EPHX2: variants seen among roughly 807,000 people sequenced by gnomAD.
EPHX2 encodes the protein bifunctional epoxide hydrolase 2.
Under a neutral mutation model 78.7 loss-of-function variants are expected in EPHX2, and 74 were observed. The observed-to-expected ratio is 0.94, with a 90% CI of 0.78 to 1.14. The LOEUF is 1.14. Ranked by LOEUF, EPHX2 falls within the 50% of genes most tolerant of loss-of-function variation. EPHX2 has a pLI of 0.00. For synonymous variants in EPHX2, 251 were observed against 255.2 expected (o/e 0.98, Z 0.16); for missense variants, 715 against 702.5 (o/e 1.02, Z -0.20).
At chr8:27,511,809 C>G (rs1814258471) in intron 5 of EPHX2, 27 bp from the exon 6 acceptor site, 4 of 1,612,068 alleles carry the variant, frequency 2.5e-6, no homozygotes, top group South Asian at 1.1e-5. Flanking sequence ...GCTGCTGTCT[C>G]TCTCACTATA....
intron 10 of EPHX2, 131 bp from the exon 11 acceptor site, chr8:27,522,292 G>A: frequency 1.4e-6 from 1 of 720,226 alleles, no homozygotes; most frequent in Non-Finnish European, 2.3e-6. Flanking sequence ...CTTGAAGGGT[G>A]GGCATTTGGA....
intron 1 of EPHX2, among the ~76,000 whole-genome samples, chr8:27,494,429 G>C (rs1246416931): frequency 1.3e-5 from 2 of 152,224 alleles, no homozygotes; most frequent in African/African-American, 2.4e-5. Context: ...CACTTTGTAA[G>C]CTTTGGGGAA....
Position 27,501,005 on chromosome 8 carries a change from T to C in EPHX2, c.181T>C (p.Ser61Pro), listed in dbSNP as rs1208859218. The C allele has an allele frequency of 1.2e-6, 2 of 1,613,286 alleles. No individual in the cohort carries two copies. Among genetic ancestry groups the C allele is most frequent in the East Asian group, 4.5e-5 (2 of 44,852 alleles). ...TRLMKGEITL[S>P]QWIPLMEENC... Reference sequence around the variant, plus strand: ...GCTTATGAAAGGAGAGATCACACTTTCCCAGGTGAGGGGACATCACCACAC... The same window carrying C: ...GCTTATGAAAGGAGAGATCACACTTCCCCAGGTGAGGGGACATCACCACAC... The change falls in exon 2 of 19, where the codon TCC (serine) becomes CCC (proline). Residue 61 changes from serine to proline, a missense_variant. Coordinates refer to ENST00000521400, the MANE Select transcript of EPHX2 (RefSeq NM_001979.6).
intron 12 of EPHX2, among the ~76,000 whole-genome samples, chr8:27,529,330 G>T (rs1010604172): frequency 6.6e-6 from 1 of 152,236 alleles, no homozygotes; most frequent in African/African-American, 2.4e-5. Flanking sequence ...AGCTCTGGCA[G>T]CGAAGGCCAG....
intron 18 of EPHX2, 67 bp downstream of exon 18, chr8:27,544,311 T>A (rs1815513755): frequency 1.0e-5 from 16 of 1,603,842 alleles, no homozygotes; most frequent in Non-Finnish European, 1.4e-5. Context: ...CATAAAAGCT[T>A]TCCTGGTTTC....
chr8:27,522,683 G>A (rs1814690678), intron 11 of EPHX2, among the ~76,000 whole-genome samples, 175 bp downstream of exon 11: 1 of 152,178 alleles, frequency 6.6e-6, no homozygotes, highest in Non-Finnish European at 1.5e-5. Flanking sequence ...GCCTAGCCGG[G>A]CGTGGTGGCT....
chr8:27,516,142 G>A (rs934742608), intron 7 of EPHX2, among the ~76,000 whole-genome samples, 178 bp from the exon 8 acceptor site: 9 of 152,156 alleles, frequency 5.9e-5, no homozygotes, highest in South Asian at 2.1e-4. Flanking sequence ...CCCCACCACC[G>A]TCCACAGCAG....
Position 27,541,537 on chromosome 8 carries a change from C to A in EPHX2, c.1444C>A (p.Arg482=), listed in dbSNP as rs200491949. The change falls in exon 16 of 19, where the codon CGG becomes AGG. Residue 482 remains arginine, a synonymous_variant. Transcript: ENST00000521400. ...GAAGTGGGCTTGCAAAAGCTTGGGACGGAAGGTGAGTGCCAGGTTCAGTGT... is the reference window on the plus strand; with the variant it reads ...GAAGTGGGCTTGCAAAAGCTTGGGAAGGAAGGTGAGTGCCAGGTTCAGTGT... ...NWKWACKSLG[R]KILIPALMVT... 3 of 1,613,938 alleles carry A rather than the reference C, an allele frequency of 1.9e-6. No homozygotes were observed. Among genetic ancestry groups the A allele is most frequent in the Non-Finnish European group, 2.5e-6 (3 of 1,179,892 alleles).
intron 8 of EPHX2, among the ~76,000 whole-genome samples, 192 bp downstream of exon 8, chr8:27,516,590 C>T (rs1814464134): frequency 6.6e-6 from 1 of 152,178 alleles, no homozygotes; most frequent in Admixed American, 6.5e-5. Flanking sequence ...CTGCCCCCCA[C>T]ACTCTGAATG....
At chr8:27,499,870 T>C (rs983730852) in intron 1 of EPHX2, among the ~76,000 whole-genome samples, 1 of 152,158 alleles carries the variant, frequency 6.6e-6, no homozygotes, top group African/African-American at 2.4e-5. Context: ...TGGTTGACTC[T>C]CTGTGTGTGT....
At chr8:27,539,822 C>G (rs1815337607) in intron 14 of EPHX2, among the ~76,000 whole-genome samples, 1 of 152,214 alleles carries the variant, frequency 6.6e-6, no homozygotes. Flanking sequence ...ACATCCTCAT[C>G]ACATACCCCT....
At chr8:27,499,824 T>C (rs562917628) in intron 1 of EPHX2, among the ~76,000 whole-genome samples, 2 of 150,288 alleles carry the variant, frequency 1.3e-5, no homozygotes, top group South Asian at 4.2e-4. Flanking sequence ...GCCTCTCTCC[T>C]TGGCTTGTTA....
At chr8:27,533,286 G>C (rs772999586) in intron 12 of EPHX2, among the ~76,000 whole-genome samples, 7 of 152,202 alleles carry the variant, frequency 4.6e-5, no homozygotes, top group Non-Finnish European at 7.3e-5. Context: ...GCTGGTAACT[G>C]TCAGTACTTG....
chr8:27,540,747 C>T (rs963150824), intron 15 of EPHX2, 91 bp downstream of exon 15: 45 of 1,229,484 alleles, frequency 3.7e-5, no homozygotes, highest in South Asian at 3.5e-4. Context: ...GCCCAGTTCT[C>T]CTCCACCACA....
chr8:27,503,050 G>C (rs973715911), intron 2 of EPHX2, among the ~76,000 whole-genome samples: 5 of 152,110 alleles, frequency 3.3e-5, no homozygotes, highest in Non-Finnish European at 5.9e-5. Flanking sequence ...GGAAGTAATT[G>C]GGTCATGAGG....
chr8:27,504,879 G>T, intron 3 of EPHX2, 77 bp from the exon 4 acceptor site: 1 of 1,477,950 alleles, frequency 6.8e-7, no homozygotes, highest in South Asian at 1.2e-5. Flanking sequence ...CCCATCATTG[G>T]AGTCCCTTGG....
chr8:27,531,561 C>T (rs866480442), intron 12 of EPHX2, among the ~76,000 whole-genome samples: 9 of 152,330 alleles, frequency 5.9e-5, no homozygotes, highest in African/African-American at 2.2e-4. Context: ...TCATTTTTGT[C>T]AAGGTAGACG....
intron 6 of EPHX2, among the ~76,000 whole-genome samples, chr8:27,514,044 G>A (rs543134665): frequency 6.6e-6 from 1 of 152,304 alleles, no homozygotes; most frequent in Non-Finnish European, 1.5e-5. Context: ...GGGGCCAGGT[G>A]TGGTGGCTCA....
chr8:27,540,989 C>T (rs1352328876), intron 15 of EPHX2, among the ~76,000 whole-genome samples: 2 of 152,210 alleles, frequency 1.3e-5, no homozygotes, highest in African/African-American at 4.8e-5. Context: ...TCCACATAAA[C>T]TCAAAAAGTG....
Sources: gnomAD v4.1 joint callset for allele counts (sites outside exome capture counted in the v4.1 genomes callset) on GRCh38, gnomAD v4.1.1 for gene constraint, MANE v1.5 for transcripts, NCBI Gene and HGNC (gene_info 2026-07-23, HGNC 2026-07-21) for gene names.